ITGA8: variants seen among roughly 807,000 people sequenced by gnomAD.
The protein encoded by ITGA8 is integrin alpha-8.
In ITGA8, 91 loss-of-function variants were observed where a neutral mutation model predicts 142.3. The observed-to-expected ratio is 0.64, with a 90% CI of 0.54 to 0.76. The LOEUF is 0.76. ITGA8 is among the 30% of genes least tolerant of loss of function. The probability of loss-of-function intolerance (pLI) is 0.00; values close to 1 mark genes in which losing one functional copy is unlikely to be tolerated. For synonymous variants in ITGA8, 505 were observed against 485.2 expected, an observed-to-expected ratio of 1.04 and a Z score of -0.54; for missense variants, 1,406 against 1,327.7, an observed-to-expected ratio of 1.06 and a Z score of -0.92.
At chr10:15,690,059 G>A (rs1451294505) in intron 2 of ITGA8, among the ~76,000 whole-genome samples, 1 of 151,990 alleles carries the variant, frequency 6.6e-6, no homozygotes, top group Non-Finnish European at 1.5e-5. Context: ...CCCTCTCCGG[G>A]AAACTTAGCT....
intron 27 of ITGA8, among the ~76,000 whole-genome samples, chr10:15,537,594 C>G (rs151334318): frequency 6.6e-6 from 1 of 152,326 alleles, no homozygotes; most frequent in African/African-American, 2.4e-5. Context: ...CAATCAGCCT[C>G]CTACCGGAAT....
rs1186470644 is a variant in ITGA8 at position 15,679,503 on chromosome 10, A to G, written c.569-720T>C. Among the ~76,000 whole-genome samples, 15 of 152,234 alleles carry G rather than the reference A, an allele frequency of 9.9e-5. No individual in the cohort carries two copies. In the East Asian group the frequency reaches 2.9e-3, roughly 29 times the overall value. ...AGGCTGAGGCAGGAGAATCTCTTGA[A>G]CCCAGGAGGCGGAGGTTGCAGTGAG... is the stretch of plus-strand genomic sequence containing the variant. On this transcript the variant is annotated intron_variant, in intron 4 of 29. Coordinates refer to ENST00000378076, the MANE Select transcript of ITGA8 (RefSeq NM_003638.3).
rs768833066 is a variant in ITGA8, at chr10:15,597,250, A to T, written c.2168T>A (p.Met723Lys). 2 of 1,614,072 alleles carry T rather than the reference A, an allele frequency of 1.2e-6. No homozygotes were observed. Among genetic ancestry groups the T allele is most frequent in the East Asian group, 4.5e-5 (2 of 44,872 alleles). Residue 723 changes from methionine (M) to lysine (K), a missense_variant, in exon 21 of 30, where the codon ATG becomes AAG. By Grantham distance (95) the Met-to-Lys change is moderately conservative (BLOSUM62 -1). Transcript: ENST00000378076. ...CEYKMENVTR[M>K]VVCDLGNPMV... is the part of the protein sequence containing the mutation. ...AGGGTTCCCAAGGTCACACACCACCATCCTGGTTACATTTTCCATCTTGTA... is the reference window on the plus strand; with the variant it reads ...AGGGTTCCCAAGGTCACACACCACCTTCCTGGTTACATTTTCCATCTTGTA...
chr10:15,603,940 T>G (rs141060896), intron 20 of ITGA8, among the ~76,000 whole-genome samples: 3 of 152,192 alleles, frequency 2.0e-5, no homozygotes, highest in Admixed American at 6.5e-5. Context: ...TTGGTAAGCT[T>G]CTTCTTTCAG....
chr10:15,685,078 T>C (rs1200925835), intron 3 of ITGA8, among the ~76,000 whole-genome samples: 2 of 152,198 alleles, frequency 1.3e-5, no homozygotes, highest in Non-Finnish European at 2.9e-5. Flanking sequence ...ATGCCTGTTT[T>C]AGCAATTTTA....
At chr10:15,708,484 C>G (rs765609205) in intron 2 of ITGA8, among the ~76,000 whole-genome samples, 1 of 152,104 alleles carries the variant, frequency 6.6e-6, no homozygotes. Context: ...CAAAAACATC[C>G]TCTCCTTGCC....
intron 26 of ITGA8, among the ~76,000 whole-genome samples, chr10:15,553,997 G>GA (rs751913266): frequency 1.3e-4 from 19 of 147,764 alleles, no homozygotes; most frequent in South Asian, 2.2e-4. Flanking sequence ...CTTGTCTCAA[G>GA]AAAAAAAAAA....
chr10:15,677,312 C>T (rs549367324), intron 6 of ITGA8, among the ~76,000 whole-genome samples: 3 of 152,206 alleles, frequency 2.0e-5, no homozygotes, highest in African/African-American at 7.2e-5. Context: ...CACAAATGAT[C>T]AATGTTTGAG....
chr10:15,675,330 T>C (rs1273180454), intron 6 of ITGA8, among the ~76,000 whole-genome samples: 1 of 152,168 alleles, frequency 6.6e-6, no homozygotes, highest in Non-Finnish European at 1.5e-5. Flanking sequence ...TGTATCTCAG[T>C]GAGCGGCACC....
chr10:15,656,706 T>A (rs940941185), intron 10 of ITGA8, among the ~76,000 whole-genome samples: 2 of 152,124 alleles, frequency 1.3e-5, no homozygotes, highest in Non-Finnish European at 2.9e-5. Context: ...AAACCTATGT[T>A]TTTGGATTTA....
In ITGA8 at chr10:15,683,946, G is replaced by C. The variant is rs1834788524; in HGVS notation, c.568+58C>G. The C allele has an allele frequency of 1.9e-6, 3 of 1,604,920 alleles. 1 individual carries two copies. Among genetic ancestry groups the C allele is most frequent in the Middle Eastern group, 3.3e-4 (2 of 6,040 alleles). The stretch of plus-strand genomic sequence containing the variant: ...GTGTTTTGAGCCTACCTGCACTCCT[G>C]TCTACGATAGAAAAGCACTTGAGCT... On this transcript the variant is annotated intron_variant, in intron 4 of 29. Coordinates refer to ENST00000378076, the MANE Select transcript of ITGA8 (RefSeq NM_003638.3).
intron 25 of ITGA8, among the ~76,000 whole-genome samples, chr10:15,561,104 G>T (rs1378163537): frequency 6.6e-6 from 1 of 151,082 alleles, no homozygotes; most frequent in Non-Finnish European, 1.5e-5. Flanking sequence ...TGCCAAGGCT[G>T]GTCCTGAACA....
intron 13 of ITGA8, among the ~76,000 whole-genome samples, chr10:15,624,832 G>T (rs995150539): frequency 2.0e-5 from 3 of 152,160 alleles, no homozygotes; most frequent in Non-Finnish European, 2.9e-5. Context: ...GAGATAATGT[G>T]TCCAATGGTG....
intron 8 of ITGA8, among the ~76,000 whole-genome samples, chr10:15,661,362 C>T (rs534033473): frequency 7.2e-5 from 11 of 152,274 alleles, no homozygotes; most frequent in African/African-American, 2.2e-4. Flanking sequence ...CCCTCACCCC[C>T]ACATCTGTGA....
chr10:15,654,785 T>G (rs1834152644), intron 11 of ITGA8, among the ~76,000 whole-genome samples: 1 of 152,238 alleles, frequency 6.6e-6, no homozygotes, highest in Admixed American at 6.5e-5. Flanking sequence ...ATTTAATGAT[T>G]CATTAATTTA....
chr10:15,526,401 C>G (rs1332472561), intron 28 of ITGA8, among the ~76,000 whole-genome samples: 1 of 152,094 alleles, frequency 6.6e-6, no homozygotes, highest in Admixed American at 6.5e-5. Flanking sequence ...GTCTCAAACT[C>G]CCGACCTCAG....
rs1210586467 is a variant in ITGA8, at chr10:15,684,080, T to G, written c.492A>C (p.Glu164Asp). Reference protein sequence around the residue: ...YHWRTLKPTPEKDPVGTCYVA... With the variant: ...YHWRTLKPTPDKDPVGTCYVA... The stretch of plus-strand genomic sequence containing the variant: ...CATAGCAGGTGCCAACTGGGTCCTT[T>G]TCTGGTGTCGGTTTAAGAGTTCTCC... Residue 164 changes from glutamate to aspartate, a missense_variant, in exon 4 of 30, where the codon GAA becomes GAC. Glu to Asp is a conservative substitution (Grantham distance 45, BLOSUM62 2). Coordinates refer to ENST00000378076, the MANE Select transcript of ITGA8 (RefSeq NM_003638.3). 6.2e-7 allele frequency: 1 copy of G among 1,614,166 alleles called. No homozygotes were observed. Among genetic ancestry groups the G allele is most frequent in the Admixed American group, 1.7e-5 (1 of 60,020 alleles).
chr10:15,566,161 C>G (rs1382916460), intron 25 of ITGA8, among the ~76,000 whole-genome samples: 2 of 152,166 alleles, frequency 1.3e-5, no homozygotes, highest in African/African-American at 4.8e-5. Flanking sequence ...GTTTCTGTGT[C>G]TCCGCTTTCC....
chr10:15,514,806 A>G lies in ITGA8; in HGVS notation c.*2352T>C, dbSNP rs1832933785. 1 of 152,362 alleles carries G rather than the reference A, an allele frequency of 6.6e-6. No homozygotes were observed. Among genetic ancestry groups the G allele is most frequent in the Non-Finnish European group, 1.5e-5 (1 of 68,184 alleles). 9.4% of individuals were successfully genotyped at this position (152,362 alleles called of 1,614,324 possible). ...GTAGCAGTGCCTGTGGGCAGGTGGA[A>G]GGTGCCCGTCCCTCTAGGAAAGGGC... is the stretch of plus-strand genomic sequence containing the variant. On this transcript the variant is annotated 3_prime_UTR_variant, in exon 30 of 30. Transcript: ENST00000378076.
Sources: allele counts gnomAD v4.1 joint callset (sites outside exome capture counted in the v4.1 genomes callset), GRCh38; gene constraint gnomAD v4.1.1; transcripts MANE v1.5; gene names NCBI Gene and HGNC (gene_info 2026-07-23, HGNC 2026-07-21).